The following ARID1A variants were observed in gnomAD, a reference collection of about 807,000 sequenced individuals.
ARID1A encodes the protein AT-rich interactive domain-containing protein 1A.
ARID1A carries 20 observed loss-of-function variants against 212.6 expected under a neutral mutation model. The ratio of observed to expected loss-of-function variants is 0.09; its 90% CI spans 0.07 to 0.14. The LOEUF is 0.14. Ranked by LOEUF, ARID1A falls within the 10% of genes least tolerant of loss-of-function variation. The pLI, the probability that ARID1A is intolerant of heterozygous loss-of-function variation, is 1.00. For missense variants in ARID1A, 2,587 were observed against 3,059.0 expected, an observed-to-expected ratio of 0.85 and a Z score of 3.64; for synonymous variants, 1,376 against 1,222.1, an observed-to-expected ratio of 1.13 and a Z score of -2.63.
chr1:26,702,625 A>G (rs913735422), intron 1 of ARID1A, among the ~76,000 whole-genome samples: 13 of 152,226 alleles, frequency 8.5e-5, no homozygotes, highest in Admixed American at 3.3e-4. Flanking sequence ...TTTTCAAGCA[A>G]AGATAATGCT....
intron 1 of ARID1A, among the ~76,000 whole-genome samples, chr1:26,707,089 A>G (rs2080399464): frequency 1.3e-5 from 2 of 150,480 alleles, no homozygotes; most frequent in African/African-American, 4.9e-5. Context: ...AGTGCAGTGC[A>G]GTGGGGCAAT....
chr1:26,714,881 C>T (rs1206299244), intron 1 of ARID1A, among the ~76,000 whole-genome samples: 1 of 152,172 alleles, frequency 6.6e-6, no homozygotes, highest in East Asian at 1.9e-4. Flanking sequence ...GGCATTGCTG[C>T]TGCTTCTTGG....
At chr1:26,725,692 T>C (rs2080609631) in intron 1 of ARID1A, among the ~76,000 whole-genome samples, 1 of 152,142 alleles carries the variant, frequency 6.6e-6, no homozygotes. Context: ...AGGTGGGACA[T>C]TCCTTGAACC....
At chr1:26,722,635 T>TTGA (rs1432754778) in intron 1 of ARID1A, among the ~76,000 whole-genome samples, 10 of 152,234 alleles carry the variant, frequency 6.6e-5, no homozygotes, top group African/African-American at 2.2e-4. Context: ...AAACTAGTTG[T>TTGA]TGATTCCTCT....
chr1:26,696,181 G>GGCC lies in ARID1A; in HGVS notation c.-210_-208dup, dbSNP rs878886611. The GGCC allele has an allele frequency of 4.0e-3, 2,435 of 613,632 alleles. 9 individuals are homozygous for GGCC. The highest frequency in any genetic ancestry group is 6.7e-3 in the Middle Eastern group (11 of 1,652). The allele number at this position is 613,632 out of a possible 1,614,324, so 38.0% of individuals were successfully genotyped here. On this transcript the variant is annotated 5_prime_UTR_variant, in exon 1 of 20. Transcript: ENST00000324856. ...GGAGCAGCTGAGCCGCCGGCGCCTCGGCCGCCGCCGCCGCCTCCTCCTCCT... is the reference window on the plus strand; with the variant it reads ...GGAGCAGCTGAGCCGCCGGCGCCTCGGCCGCCGCCGCCGCCGCCTCCTCCTCCT...
Position 26,779,802 on chromosome 1 carries a change from T to C in ARID1A, c.5904T>C (p.Cys1968=), listed in dbSNP as rs972403930. The stretch of plus-strand genomic sequence containing the variant: ...ACAGTAAGGATGAGACCCCACTGTG[T>C]ACCCTTCTGGACTGGCAGGATTCTC... The part of the protein sequence containing the change: ...EPHSKDETPL[C]TLLDWQDSLA... Residue 1968 remains cysteine (C), a synonymous_variant, in exon 20 of 20, where the codon TGT becomes TGC. Coordinates refer to ENST00000324856, the MANE Select transcript of ARID1A (RefSeq NM_006015.6). The C allele has an allele frequency of 1.2e-6, 2 of 1,614,134 alleles. No homozygotes were observed. Among genetic ancestry groups the C allele is most frequent in the Non-Finnish European group, 1.7e-6 (2 of 1,180,030 alleles).
intron 4 of ARID1A, among the ~76,000 whole-genome samples, chr1:26,743,526 AATAAATG>A (rs1170622977): frequency 7.9e-5 from 12 of 152,080 alleles, no homozygotes; most frequent in South Asian, 2.1e-4. Context: ...AAATCCTCTC[AATAAATG>A]CTTTAAAAAT....
At chr1:26,776,016 G>A in intron 19 of ARID1A, 2 of 437,500 alleles carry the variant, frequency 4.6e-6, no homozygotes, top group South Asian at 3.7e-5. Context: ...AAGAATCTGT[G>A]TTTTTTTGTT....
intron 4 of ARID1A, among the ~76,000 whole-genome samples, chr1:26,733,119 C>T (rs1034943637): frequency 2.6e-5 from 4 of 152,198 alleles, no homozygotes; most frequent in Non-Finnish European, 4.4e-5. Flanking sequence ...CTTGACTTTA[C>T]TCTTACAGGC....
intron 1 of ARID1A, among the ~76,000 whole-genome samples, chr1:26,710,314 G>A (rs1054891791): frequency 1.3e-5 from 2 of 151,378 alleles, no homozygotes; most frequent in Non-Finnish European, 1.5e-5. Context: ...GATGCCTGTA[G>A]TCCCAGCTAC....
Position 26,779,474 on chromosome 1 carries a change from T to C in ARID1A, c.5576T>C (p.Phe1859Ser). 1 of 1,614,034 alleles carries C rather than the reference T, an allele frequency of 6.2e-7. No homozygotes were observed. The highest frequency in any genetic ancestry group is 8.5e-7 in the Non-Finnish European group (1 of 1,180,004). Residue 1859 changes from phenylalanine (F) to serine (S), a missense_variant, in exon 20 of 20, where the codon TTC becomes TCC. Physicochemically the swap from Phe to Ser is radical, Grantham distance 155. Transcript: ENST00000324856. ...ACCACTGAGCATATCCAGACCCACT[T>C]CGAGAGCAAGACAGAGCTGCTGCCT... ...GDTTEHIQTHFESKTELLPSR... is the reference protein window; with the variant it reads ...GDTTEHIQTHSESKTELLPSR...
intron 4 of ARID1A, among the ~76,000 whole-genome samples, chr1:26,744,442 G>A (rs1384492045): frequency 6.6e-6 from 1 of 152,168 alleles, no homozygotes; most frequent in Non-Finnish European, 1.5e-5. Flanking sequence ...TGGCTCTTGA[G>A]TCACTTAGTC....
At chr1:26,756,564 T>C (rs1264104374) in intron 4 of ARID1A, among the ~76,000 whole-genome samples, 3 of 129,862 alleles carry the variant, frequency 2.3e-5, no homozygotes, top group Admixed American at 7.4e-5. Context: ...CCTGTCTCTT[T>C]AAAAAAAAAA....
chr1:26,776,898 C>T (rs2124130868), intron 19 of ARID1A, among the ~76,000 whole-genome samples: 1 of 152,258 alleles, frequency 6.6e-6, no homozygotes, highest in Non-Finnish European at 1.5e-5. Context: ...TAGAATCTAT[C>T]TGATTCCTAA....
chr1:26,703,399 C>G (rs1183686316), intron 1 of ARID1A, among the ~76,000 whole-genome samples: 2 of 152,194 alleles, frequency 1.3e-5, no homozygotes, highest in Non-Finnish European at 2.9e-5. Flanking sequence ...GATTTGCCTT[C>G]TCAGAATGTC....
intron 1 of ARID1A, among the ~76,000 whole-genome samples, chr1:26,705,233 G>A (rs1203551846): frequency 1.3e-5 from 2 of 152,020 alleles, no homozygotes; most frequent in African/African-American, 4.8e-5. Context: ...TGCCTCCCAG[G>A]TTCAAGCGAT....
Position 26,760,965 on chromosome 1 carries a change from C to T in ARID1A, c.2030C>T (p.Ala677Val), listed in dbSNP as rs779097022. Residue 677 changes from alanine to valine, a missense_variant, in exon 5 of 20, where the codon GCT becomes GTT. Physicochemically the swap from Ala to Val is moderately conservative, Grantham distance 64 (BLOSUM62 0). This residue lies in a region of ARID1A where 674 missense variants were observed against 813.4 expected (regional missense o/e 0.83). Transcript: ENST00000324856. ...SSSQGEQSNP[A>V]QSPFSPHTSP... ...AGCCAAGGAGAGCAGAGTAATCCAG[C>T]TCAGTCTCCTTTCTCTCCTCATACC... 1.2e-6 allele frequency: 2 copies of T among 1,614,124 alleles called. No individual in the cohort carries two copies. The highest frequency in any genetic ancestry group is 1.7e-5 in the Admixed American group (1 of 60,030).
At position 26,778,732 on chromosome 1, in the gene ARID1A, G is replaced by GCCTGGTGAA. The variant is rs1457233248; in HGVS notation, c.5125-291_5125-290insCCTGGTGAA. 9.8e-5 allele frequency: 28 copies of GCCTGGTGAA among 285,142 alleles called. 1 individual carries two copies. The highest frequency in any genetic ancestry group is 3.0e-4 in the African/African-American group (14 of 45,954). 17.7% of individuals were successfully genotyped at this position (285,142 alleles called of 1,614,324 possible). ...GTGAAGAAAAGCAGAAGATTAATTGGGAAAAGAGAAGGCTAAGAGATGATT... is the reference window on the plus strand; with the variant it reads ...GTGAAGAAAAGCAGAAGATTAATTGGCCTGGTGAAGAAAAGAGAAGGCTAAGAGATGATT... On this transcript the variant is annotated intron_variant, in intron 19 of 19. Transcript: ENST00000324856.
At chr1:26,760,717 T>C in intron 4 of ARID1A, 139 bp from the exon 5 acceptor site, 2 of 883,682 alleles carry the variant, frequency 2.3e-6, no homozygotes, top group East Asian at 6.0e-5. Context: ...TTAATAAAAA[T>C]AGTATCATGA....
Sources: allele counts gnomAD v4.1 joint callset (sites outside exome capture counted in the v4.1 genomes callset), GRCh38; gene constraint gnomAD v4.1.1; regional missense constraint gnomAD v4.1.1; transcripts MANE v1.5; gene names NCBI Gene and HGNC (gene_info 2026-07-23, HGNC 2026-07-21).